Variants in PPP1R14C observed in about 807,000 individuals in gnomAD.
PPP1R14C encodes protein phosphatase 1 regulatory subunit 14C.
Under a neutral mutation model 20.4 loss-of-function variants are expected in PPP1R14C, and 16 were observed. That is an observed-to-expected ratio of 0.78 (90% CI 0.53 to 1.19). The LOEUF (loss-of-function observed/expected upper bound fraction) is 1.19. PPP1R14C is among the 50% of genes most tolerant of loss of function. The pLI is 0.00. For missense variants in PPP1R14C, 211 were observed against 220.1 expected, an observed-to-expected ratio of 0.96 and a Z score of 0.26; for synonymous variants, 91 against 91.0, an observed-to-expected ratio of 1.00 and a Z score of 0.00.
intron 1 of PPP1R14C, among the ~76,000 whole-genome samples, chr6:150,203,434 G>T (rs1360894967): frequency 6.6e-6 from 1 of 152,172 alleles, no homozygotes; most frequent in East Asian, 1.9e-4. Flanking sequence ...CAGTGTGTCT[G>T]CTCACCGGCT....
chr6:150,181,517 C>T (rs756215849), intron 1 of PPP1R14C, among the ~76,000 whole-genome samples: 9 of 152,212 alleles, frequency 5.9e-5, no homozygotes, highest in Non-Finnish European at 1.3e-4. Context: ...TTCTTTTCTG[C>T]TGCCCTGTCT....
chr6:150,220,626 T>G (rs1158363502), intron 3 of PPP1R14C, among the ~76,000 whole-genome samples: 2 of 152,236 alleles, frequency 1.3e-5, no homozygotes, highest in South Asian at 2.1e-4. Flanking sequence ...CAATCCCTTT[T>G]TCTTCAGTTC....
At chr6:150,233,084 T>C (rs946262890) in intron 3 of PPP1R14C, among the ~76,000 whole-genome samples, 3 of 152,040 alleles carry the variant, frequency 2.0e-5, no homozygotes, top group Non-Finnish European at 4.4e-5. Flanking sequence ...CCCCAGAAAA[T>C]GTGGGTCTGG....
At chr6:150,172,740 G>T (rs749177799) in intron 1 of PPP1R14C, among the ~76,000 whole-genome samples, 39 of 152,266 alleles carry the variant, frequency 2.6e-4, no homozygotes, top group Admixed American at 5.9e-4. Context: ...GGTTTGAGGG[G>T]TGCTGTAACT....
intron 1 of PPP1R14C, among the ~76,000 whole-genome samples, chr6:150,205,685 T>C (rs1281607323): frequency 1.3e-5 from 2 of 151,094 alleles, no homozygotes; most frequent in African/African-American, 2.4e-5. Flanking sequence ...CTCAGCTACT[T>C]GGGAGGCTGA....
intron 1 of PPP1R14C, among the ~76,000 whole-genome samples, chr6:150,187,787 TA>T (rs1377635567): frequency 2.0e-5 from 3 of 152,234 alleles, no homozygotes; most frequent in Non-Finnish European, 4.4e-5. Context: ...TAGAACGATT[TA>T]TATTTTTTGA....
chr6:150,218,734 G>A (rs1471625726), intron 3 of PPP1R14C, among the ~76,000 whole-genome samples: 4 of 151,456 alleles, frequency 2.6e-5, no homozygotes, highest in Non-Finnish European at 4.4e-5. Flanking sequence ...CTGCAGCCTC[G>A]AACTCCTGTA....
intron 1 of PPP1R14C, among the ~76,000 whole-genome samples, chr6:150,189,755 C>G (rs1361523899): frequency 6.6e-6 from 1 of 152,196 alleles, no homozygotes; most frequent in Non-Finnish European, 1.5e-5. Context: ...TTTCTTCAGA[C>G]TGATACAGAA....
At chr6:150,164,961 A>G (rs761181752) in intron 1 of PPP1R14C, among the ~76,000 whole-genome samples, 2 of 152,218 alleles carry the variant, frequency 1.3e-5, no homozygotes, top group African/African-American at 4.8e-5. Context: ...ATGGGAGGAC[A>G]CATTGAGAAG....
intron 1 of PPP1R14C, chr6:150,194,749 T>A: frequency 4.1e-6 from 4 of 985,374 alleles, no homozygotes; most frequent in Non-Finnish European, 4.8e-6. Context: ...TATAATTTGT[T>A]GCATAGTTTA....
intron 1 of PPP1R14C, among the ~76,000 whole-genome samples, chr6:150,170,428 T>C (rs1380663739): frequency 1.3e-5 from 2 of 151,944 alleles, no homozygotes; most frequent in Admixed American, 6.6e-5. Flanking sequence ...GTTCACGCCA[T>C]TCTTCTGCCT....
At chr6:150,169,864 C>A (rs1777477769) in intron 1 of PPP1R14C, among the ~76,000 whole-genome samples, 1 of 152,190 alleles carries the variant, frequency 6.6e-6, no homozygotes, top group Admixed American at 6.5e-5. Context: ...ATTGATGTGG[C>A]AAACTTAGGG....
intron 3 of PPP1R14C, among the ~76,000 whole-genome samples, chr6:150,226,399 CT>C (rs1184979790): frequency 6.6e-6 from 1 of 152,132 alleles, no homozygotes; most frequent in Non-Finnish European, 1.5e-5. Context: ...TAGTGTTAGC[CT>C]AGTGGACATG....
intron 3 of PPP1R14C, among the ~76,000 whole-genome samples, chr6:150,246,336 A>G (rs1348318577): frequency 6.6e-6 from 1 of 152,154 alleles, no homozygotes; most frequent in Non-Finnish European, 1.5e-5. Flanking sequence ...TCAAATACTG[A>G]AACTTTTTGT....
chr6:150,209,973 G>T (rs997434897), intron 1 of PPP1R14C, among the ~76,000 whole-genome samples: 1 of 151,710 alleles, frequency 6.6e-6, no homozygotes, highest in African/African-American at 2.4e-5. Flanking sequence ...GTATTCATGT[G>T]TGTGTATGTC....
chr6:150,199,698 C>G (rs547443707), intron 1 of PPP1R14C, among the ~76,000 whole-genome samples: 3 of 152,090 alleles, frequency 2.0e-5, no homozygotes, highest in African/African-American at 7.2e-5. Context: ...AGTGAGATGC[C>G]ATCTCTGCAA....
intron 1 of PPP1R14C, among the ~76,000 whole-genome samples, chr6:150,155,939 C>T (rs1246261148): frequency 3.5e-5 from 5 of 141,840 alleles, no homozygotes; most frequent in East Asian, 2.2e-4. Flanking sequence ...GCAAGAGAAT[C>T]GCTTGAACCT....
At chr6:150,235,696 CTCTT>C (rs1408595221) in intron 3 of PPP1R14C, among the ~76,000 whole-genome samples, 1 of 152,168 alleles carries the variant, frequency 6.6e-6, no homozygotes. Flanking sequence ...CCTTCCCCTC[CTCTT>C]TCTTCTTTTT....
intron 3 of PPP1R14C, among the ~76,000 whole-genome samples, chr6:150,248,327 G>A (rs1006616475): frequency 2.6e-5 from 4 of 152,142 alleles, no homozygotes; most frequent in African/African-American, 7.2e-5. Context: ...TCTTGGTGAG[G>A]TTCAAGGACT....
Sources: gnomAD v4.1 joint callset for allele counts (sites outside exome capture counted in the v4.1 genomes callset) on GRCh38, gnomAD v4.1.1 for gene constraint, MANE v1.5 for transcripts, NCBI Gene and HGNC (gene_info 2026-07-23, HGNC 2026-07-21) for gene names.